HTR3A: variants seen among roughly 807,000 people sequenced by gnomAD.
The protein encoded by HTR3A is 5-hydroxytryptamine receptor 3A.
In HTR3A, 45 loss-of-function variants were observed where a neutral mutation model predicts 54.8. That is an observed-to-expected ratio of 0.82 (90% CI 0.65 to 1.05). HTR3A has a LOEUF of 1.05. HTR3A is among the 50% of genes least tolerant of loss of function. The probability of loss-of-function intolerance (pLI) is 0.00; values close to 1 mark genes in which losing one functional copy is unlikely to be tolerated. For missense variants in HTR3A, 657 were observed against 614.0 expected (o/e 1.07, Z -0.74); for synonymous variants, 297 against 256.0 (o/e 1.16, Z -1.53).
intron 5 of HTR3A, among the ~76,000 whole-genome samples, chr11:113,984,558 G>A (rs563060048): frequency 3.3e-5 from 5 of 152,336 alleles, no homozygotes; most frequent in South Asian, 4.1e-4. Context: ...AAATGTTACC[G>A]AGCAGATGAA....
intron 1 of HTR3A, chr11:113,977,408 G>T: frequency 1.4e-6 from 1 of 700,762 alleles, no homozygotes; most frequent in East Asian, 2.7e-5. Flanking sequence ...TACCCTGAGA[G>T]CCAGCTTCCT....
At chr11:113,978,918 G>A (rs1420737848) in intron 2 of HTR3A, among the ~76,000 whole-genome samples, 5 of 152,194 alleles carry the variant, frequency 3.3e-5, no homozygotes, top group African/African-American at 9.6e-5. Flanking sequence ...GAACCTGGGA[G>A]GTGGAGGTTG....
rs2137564838 is a variant in HTR3A, at chr11:113,975,255, G to A, written c.-71G>A. 2 of 1,491,864 alleles carry A rather than the reference G, an allele frequency of 1.3e-6. No individual in the cohort carries two copies. The highest frequency in any genetic ancestry group is 2.3e-5 in the East Asian group (1 of 43,824). 92.4% of individuals were successfully genotyped at this position (1,491,864 alleles called of 1,614,324 possible). ...GGCTGGGACATGAGGTTGGCAGAGG[G>A]CAGGCAAGCTGGCCCTTGGTGGGCC... On this transcript the variant is annotated 5_prime_UTR_variant, in exon 1 of 9. Transcript: ENST00000504030.
chr11:113,983,806 G>T (rs983205682), intron 5 of HTR3A, among the ~76,000 whole-genome samples: 29 of 152,090 alleles, frequency 1.9e-4, no homozygotes, highest in African/African-American at 6.8e-4. Context: ...TAGCCTCCTA[G>T]CTGGTTTCCC....
At chr11:113,981,558 GC>G (rs1565580036) in intron 4 of HTR3A, among the ~76,000 whole-genome samples, 1 of 152,088 alleles carries the variant, frequency 6.6e-6, no homozygotes, top group African/African-American at 2.4e-5. Flanking sequence ...TAGTCCAGGG[GC>G]CCCTGCCACA....
At chr11:113,987,151 C>A in intron 8 of HTR3A, 105 bp downstream of exon 8, 1 of 1,165,162 alleles carries the variant, frequency 8.6e-7, no homozygotes, top group Non-Finnish European at 1.2e-6. Flanking sequence ...CTGTACTGCA[C>A]ATGGCATCCC....
rs1285867335 is a variant in HTR3A, at chr11:113,981,310, G to A, written c.372G>A (p.Glu124=). 1 of 1,592,480 alleles carries A rather than the reference G, an allele frequency of 6.3e-7. No homozygotes were observed. Among genetic ancestry groups the A allele is most frequent in the Non-Finnish European group, 8.6e-7 (1 of 1,160,312 alleles). Residue 124 remains glutamate, a splice_region_variant and synonymous_variant, in exon 4 of 9, where the codon GAG becomes GAA. Transcript: ENST00000504030. ...SIWVPDILIN[E]FVDVGKSPNI... Reference sequence around the variant, plus strand: ...GGGTCCCGGACATTCTCATCAATGAGTTGTGAGTACCGTTATCCATTGTGA... The same window carrying A: ...GGGTCCCGGACATTCTCATCAATGAATTGTGAGTACCGTTATCCATTGTGA...
Position 113,986,874 on chromosome 11 carries a change from G to A in HTR3A, c.966G>A (p.Glu322=), listed in dbSNP as rs762776476. The change falls in exon 8 of 9, where the codon GAG becomes GAA. Residue 322 remains glutamate, a synonymous_variant. Transcript: ENST00000504030. ...CMALLVISLA[E]TIFIVRLVHK... is the part of the protein sequence containing the mutation. Reference sequence around the variant, plus strand: ...CTCTGCTGGTGATAAGTTTGGCCGAGACCATCTTCATTGTGCGGCTGGTGC... The same window carrying A: ...CTCTGCTGGTGATAAGTTTGGCCGAAACCATCTTCATTGTGCGGCTGGTGC... 6.2e-7 allele frequency: 1 copy of A among 1,614,142 alleles called. No individual in the cohort carries two copies.
intron 1 of HTR3A, 132 bp from the exon 2 acceptor site, chr11:113,977,639 A>C (rs1272932717): frequency 4.7e-6 from 7 of 1,497,988 alleles, no homozygotes; most frequent in Non-Finnish European, 6.4e-6. Context: ...TGAGAATGTC[A>C]GTCTGTGTTT....
Position 113,986,120 on chromosome 11 carries a change from A to G in HTR3A, c.650A>G (p.Tyr217Cys), listed in dbSNP as rs748919703. ...GEWELLGVLP[Y>C]FREFSMESSN... is the part of the protein sequence containing the mutation. ...TGGGAGTTGCTGGGGGTGCTGCCCT[A>G]CTTTCGGGAGTTCAGCATGGAAAGC... The change falls in exon 6 of 9, where the codon TAC becomes TGC. Residue 217 changes from tyrosine (Y) to cysteine (C), a missense_variant. Transcript: ENST00000504030. 5.0e-6 allele frequency: 8 copies of G among 1,614,014 alleles called. No individual in the cohort carries two copies. In the East Asian group the frequency reaches 1.8e-4, roughly 36 times the overall value.
intron 8 of HTR3A, among the ~76,000 whole-genome samples, chr11:113,987,763 C>T (rs535470980): frequency 5.3e-5 from 8 of 152,116 alleles, no homozygotes; most frequent in African/African-American, 1.9e-4. Flanking sequence ...AAATACACAG[C>T]CCAAAGACCA....
intron 5 of HTR3A, among the ~76,000 whole-genome samples, chr11:113,985,743 G>A (rs1362478812): frequency 6.6e-6 from 1 of 151,990 alleles, no homozygotes; most frequent in South Asian, 2.1e-4. Flanking sequence ...AGGAGAGAGA[G>A]CGCTTTCTAA....
At chr11:113,983,080 G>A in intron 4 of HTR3A, 40 bp from the exon 5 acceptor site, 1 of 1,613,516 alleles carries the variant, frequency 6.2e-7, no homozygotes, top group Non-Finnish European at 8.5e-7. Flanking sequence ...AGCTTGCCCT[G>A]TCTCTTGAGC....
In HTR3A at chr11:113,986,644, AT is replaced by A; in HGVS notation, c.834del (p.Thr279HisfsTer10). On this transcript the variant is annotated frameshift_variant, in exon 7 of 9. Coordinates refer to ENST00000504030, the MANE Select transcript of HTR3A (RefSeq NM_000869.6). LOFTEE classifies it high-confidence loss of function. ...PNSGERVSFK[I>X]TLLLGYSVFL... ...CAGTGGCGAGAGGGTCTCTTTCAAG[AT>A]TACACTCCTCCTGGGCTACTCGGTC... is the stretch of plus-strand genomic sequence containing the variant. The A allele has an allele frequency of 6.2e-7, 1 of 1,614,020 alleles. No homozygotes were observed. Among genetic ancestry groups the A allele is most frequent in the South Asian group, 1.1e-5 (1 of 91,074 alleles).
At chr11:113,983,350 G>C in intron 5 of HTR3A, 61 bp downstream of exon 5, 1 of 1,584,906 alleles carries the variant, frequency 6.3e-7, no homozygotes, top group East Asian at 2.2e-5. Flanking sequence ...GGACACCTGA[G>C]CGAGGAGTGC....
At chr11:113,981,157 T>A in intron 3 of HTR3A, 46 bp from the exon 4 acceptor site, 1 of 1,222,598 alleles carries the variant, frequency 8.2e-7, no homozygotes, top group Non-Finnish European at 1.2e-6. Context: ...CGACCCTCAC[T>A]GGAGATGGAG....
chr11:113,976,829 G>T, intron 1 of HTR3A, among the ~76,000 whole-genome samples: 1 of 151,066 alleles, frequency 6.6e-6, no homozygotes, highest in Non-Finnish European at 1.5e-5. Flanking sequence ...TTTGCTGCCC[G>T]TATGCTGGCC....
chr11:113,987,145 A>G, intron 8 of HTR3A, 99 bp downstream of exon 8: 1 of 1,268,816 alleles, frequency 7.9e-7, no homozygotes, highest in East Asian at 2.4e-5. Context: ...GAGGTGCTGT[A>G]CTGCACATGG....
Position 113,989,569 on chromosome 11 carries a change from G to T in HTR3A, c.1243G>T (p.Val415Leu). The T allele has an allele frequency of 6.2e-7, 1 of 1,614,202 alleles. No individual in the cohort carries two copies. ...ACCACCTCGGGAGGCCTCGCTGGCG[G>T]TGTGTGGGCTGCTGCAGGAGCTGTC... ...PPPPREASLA[V>L]CGLLQELSSI... The change falls in exon 9 of 9, where the codon GTG (valine) becomes TTG (leucine). Residue 415 changes from valine to leucine, a missense_variant. By Grantham distance (32) the Val-to-Leu change is conservative. Coordinates refer to ENST00000504030, the MANE Select transcript of HTR3A (RefSeq NM_000869.6). This position sits in a 1 kb window ranked among gnomAD's most constrained non-coding sequence, Gnocchi z 4.4.
Sources: allele counts gnomAD v4.1 joint callset (sites outside exome capture counted in the v4.1 genomes callset), GRCh38; gene constraint gnomAD v4.1.1; non-coding constraint Gnocchi (gnomAD v3.1); transcripts MANE v1.5; gene names NCBI Gene and HGNC (gene_info 2026-07-23, HGNC 2026-07-21).